RENBP: variants seen among roughly 807,000 people sequenced by gnomAD.
RENBP encodes N-acylglucosamine 2-epimerase.
Under a neutral mutation model 37.8 loss-of-function variants are expected in RENBP, and 16 were observed. That is an observed-to-expected ratio of 0.42 (90% CI 0.29 to 0.64). RENBP has a LOEUF of 0.64. Among genes scored for constraint, RENBP ranks in the 30% least tolerant of loss-of-function variants. The pLI, the probability that RENBP is intolerant of heterozygous loss-of-function variation, is 0.19. For missense variants in RENBP, 347 were observed against 379.5 expected (o/e 0.91, Z 0.71); for synonymous variants, 170 against 154.8 (o/e 1.10, Z -0.73).
In RENBP at chrX:153,943,955, G is replaced by A. The variant is rs1422437238; in HGVS notation, c.229C>T (p.Arg77Cys). 1 of 1,196,904 alleles carries A rather than the reference G, an allele frequency of 8.4e-7. No homozygotes were observed. The highest frequency in any genetic ancestry group is 1.1e-6 in the Non-Finnish European group (1 of 888,014). Residue 77 changes from arginine to cysteine, a missense_variant, in exon 4 of 11, where the codon CGC (arginine) becomes TGC (cysteine). This residue lies in a region of RENBP where 244 missense variants were observed against 279.4 expected (regional missense o/e 0.87). Transcript: ENST00000393700. ...AAGCGCTCGAAAGTGCGGTACAGGC[G>A]ACAATACATCCATACCTGCGGGGTA... ...LQGRQVWMYC[R>C]LYRTFERFRH...
chrX:153,944,373 C>A lies in RENBP; in HGVS notation c.73G>T (p.Val25Leu), dbSNP rs782587483. 15 of 1,210,007 alleles carry A rather than the reference C, an allele frequency of 1.2e-5. No individual in the cohort carries two copies. Among genetic ancestry groups the A allele is most frequent in the Non-Finnish European group, 1.5e-5 (13 of 895,002 alleles). ...ACCACGCGGTCCAGCTCCTGCCCCA[C>A]GCGCTCCTTCCAGGCCTGCAGAGTC... is the stretch of plus-strand genomic sequence containing the variant. ...RETLQAWKER[V>L]GQELDRVVAF... Residue 25 changes from valine (V) to leucine (L), a missense_variant, in exon 2 of 11, where the codon GTG becomes TTG. Val to Leu is a conservative substitution (Grantham distance 32). Coordinates refer to ENST00000393700, the MANE Select transcript of RENBP (RefSeq NM_002910.6).
chrX:153,943,461 G>C (rs2065236201), intron 5 of RENBP, 85 bp downstream of exon 5: 1 of 969,461 alleles, frequency 1.0e-6, no homozygotes, highest in Admixed American at 2.7e-5. Context: ...CATGGGAGGG[G>C]ACTTGCGTAG....
chrX:153,942,703 G>A (rs1271425470), intron 6 of RENBP, 152 bp downstream of exon 6: 18 of 498,406 alleles, frequency 3.6e-5, no homozygotes, highest in African/African-American at 1.9e-4. Flanking sequence ...CTGGGGCTCC[G>A]CATCCTCCCT....
intron 5 of RENBP, 117 bp from the exon 6 acceptor site, chrX:153,943,196 A>C: frequency 1.8e-6 from 1 of 559,898 alleles, no homozygotes; most frequent in Non-Finnish European, 2.7e-6. Flanking sequence ...AGACACCTTC[A>C]TCCAGGGCCT....
At chrX:153,936,800 T>G (rs1557108665) in intron 9 of RENBP, among the ~76,000 whole-genome samples, 2 of 112,013 alleles carry the variant, frequency 1.8e-5, no homozygotes. Flanking sequence ...GTTCAGCCCC[T>G]TCTCAAAAGG....
At chrX:153,943,236 G>C (rs1401066086) in intron 5 of RENBP, among the ~76,000 whole-genome samples, 157 bp from the exon 6 acceptor site, 1 of 112,474 alleles carries the variant, frequency 8.9e-6, no homozygotes, top group Non-Finnish European at 1.9e-5. Flanking sequence ...GCGTCCAGTA[G>C]GGGCCAGTCA....
intron 8 of RENBP, 104 bp from the exon 9 acceptor site, chrX:153,940,337 G>A (rs781933587): frequency 5.7e-5 from 58 of 1,023,359 alleles, no homozygotes; most frequent in Admixed American, 1.5e-4. Context: ...GGTGAATTGC[G>A]GGACATCTTT....
intron 9 of RENBP, among the ~76,000 whole-genome samples, chrX:153,939,093 C>CT (rs34772694): frequency 2.3e-4 from 24 of 103,538 alleles, no homozygotes; most frequent in South Asian, 4.3e-4. Context: ...CGTGCCCGGC[C>CT]TTTTTTTTTT....
At chrX:153,943,452 A>G (rs2065236159) in intron 5 of RENBP, 94 bp downstream of exon 5, 1 of 923,283 alleles carries the variant, frequency 1.1e-6, no homozygotes, top group African/African-American at 2.0e-5. Context: ...AGATGGGTCC[A>G]TGGGAGGGGA....
Position 153,944,423 on chromosome X carries a change from G to A in RENBP, c.28-5C>T, listed in dbSNP as rs782777984. ...CTCTCGCTCTTTCTCCATGTCCTAGGGGAAATGGGGCTTGAAGGCGCAGCC... is the reference window on the plus strand; with the variant it reads ...CTCTCGCTCTTTCTCCATGTCCTAGAGGAAATGGGGCTTGAAGGCGCAGCC... On this transcript the variant is annotated splice_region_variant and splice_polypyrimidine_tract_variant and intron_variant, in intron 1 of 10. Coordinates refer to ENST00000393700, the MANE Select transcript of RENBP (RefSeq NM_002910.6). The A allele has an allele frequency of 2.5e-6, 3 of 1,201,721 alleles. No homozygotes were observed. Among genetic ancestry groups the A allele is most frequent in the Non-Finnish European group, 2.3e-6 (2 of 886,888 alleles).
intron 9 of RENBP, 31 bp downstream of exon 9, chrX:153,940,071 C>T: frequency 8.3e-7 from 1 of 1,207,507 alleles, no homozygotes; most frequent in Non-Finnish European, 1.1e-6. Context: ...CCCCATTCAG[C>T]CTCTAGAGGG....
rs2065230370 is a variant in RENBP, at chrX:153,942,234, T to G, written c.688-203A>C. 4 of 245,563 alleles carry G rather than the reference T, an allele frequency of 1.6e-5. No homozygotes were observed. The South Asian group carries it at 4.0e-4, about 25-fold the overall frequency. 20.2% of individuals were successfully genotyped at this position (245,563 alleles called of 1,213,427 possible). A position where few individuals can be genotyped will look rare whatever the true frequency, so the allele number is the denominator to read the frequency against. On this transcript the variant is annotated intron_variant, in intron 6 of 10. Transcript: ENST00000393700. ...CCTTGGGCCTAGCAAGTTGTTGTTTTTTTTTTTTTTTTTTTTTTTTAGACA... is the reference window on the plus strand; with the variant it reads ...CCTTGGGCCTAGCAAGTTGTTGTTTGTTTTTTTTTTTTTTTTTTTTAGACA...
chrX:153,941,450 TC>T, intron 8 of RENBP, 27 bp downstream of exon 8: 1 of 1,204,319 alleles, frequency 8.3e-7, no homozygotes, highest in Non-Finnish European at 1.1e-6. Context: ...ACAGCGTGGG[TC>T]ACACATGGCC....
intron 9 of RENBP, among the ~76,000 whole-genome samples, chrX:153,937,989 C>T (rs1294218158): frequency 8.9e-6 from 1 of 112,472 alleles, no homozygotes; most frequent in Non-Finnish European, 1.9e-5. Context: ...CCTCAGTCTC[C>T]CAAAGTGCTG....
At chrX:153,941,416 C>T (rs1907303119) in intron 8 of RENBP, 62 bp downstream of exon 8, 1 of 1,144,672 alleles carries the variant, frequency 8.7e-7, no homozygotes, top group Non-Finnish European at 1.2e-6. Flanking sequence ...GAAGCAACCA[C>T]CTCCCTGGGC....
At chrX:153,940,055 C>T (rs1557109263) in intron 9 of RENBP, 47 bp downstream of exon 9, 1 of 1,197,827 alleles carries the variant, frequency 8.3e-7, no homozygotes, top group Admixed American at 2.2e-5. Flanking sequence ...CAGACTCCCC[C>T]CATTCCCCCA....
At chrX:153,940,579 G>A (rs1225876178) in intron 8 of RENBP, among the ~76,000 whole-genome samples, 2 of 111,715 alleles carry the variant, frequency 1.8e-5, no homozygotes, top group African/African-American at 6.5e-5. Flanking sequence ...TTCCCAGACG[G>A]CTGAGGCATT....
intron 9 of RENBP, among the ~76,000 whole-genome samples, chrX:153,937,460 G>A (rs1362845762): frequency 4.6e-5 from 5 of 108,943 alleles, no homozygotes; most frequent in African/African-American, 1.7e-4. Flanking sequence ...TTTTTAAGAC[G>A]GAGTTTCGCT....
chrX:153,944,131 G>A lies in RENBP; in HGVS notation c.162C>T (p.Arg54=), dbSNP rs150227672. ...EHGGFFTCLG[R]EGRVYDDLKY... ...TGAGGTCATCATACACCCGCCCCTC[G>A]CGGCCAAGGCACGTGAAGAAGCCCC... The change falls in exon 3 of 11, where the codon CGC becomes CGT. Residue 54 remains arginine, a synonymous_variant. Coordinates refer to ENST00000393700, the MANE Select transcript of RENBP (RefSeq NM_002910.6). 341 of 1,209,452 alleles carry A rather than the reference G, an allele frequency of 2.8e-4. No homozygotes were observed. The highest frequency in any genetic ancestry group is 3.6e-4 in the Non-Finnish European group (320 of 894,840).
Sources: gnomAD v4.1 joint callset for allele counts (sites outside exome capture counted in the v4.1 genomes callset) on GRCh38, gnomAD v4.1.1 for gene constraint, gnomAD v4.1.1 regional missense constraint, MANE v1.5 for transcripts, NCBI Gene and HGNC (gene_info 2026-07-23, HGNC 2026-07-21) for gene names.